Variants in HHAT observed in about 807,000 individuals in gnomAD.
HHAT encodes the protein protein-cysteine N-palmitoyltransferase HHAT.
HHAT carries 47 observed loss-of-function variants against 70.8 expected under a neutral mutation model. That is an observed-to-expected ratio of 0.66 (90% CI 0.53 to 0.85). The LOEUF is 0.85. Ranked by LOEUF, HHAT falls within the 40% of genes least tolerant of loss-of-function variation. The pLI, the probability that HHAT is intolerant of heterozygous loss-of-function variation, is 0.00. For synonymous variants in HHAT, 228 were observed against 247.6 expected (o/e 0.92, Z 0.74); for missense variants, 609 against 604.8 (o/e 1.01, Z -0.07).
intron 3 of HHAT, chr1:210,374,017 T>C (rs533103851): frequency 6.6e-6 from 1 of 152,232 alleles, no homozygotes; most frequent in African/African-American, 2.4e-5. Flanking sequence ...TTCAGACCTT[T>C]GACATGGAAA....
At chr1:210,482,969 G>T (rs1467904695) in intron 8 of HHAT, among the ~76,000 whole-genome samples, 1 of 152,148 alleles carries the variant, frequency 6.6e-6, no homozygotes, top group African/African-American at 2.4e-5. Context: ...CAAAGCCAGA[G>T]ATTATTTTCC....
intron 11 of HHAT, among the ~76,000 whole-genome samples, chr1:210,629,531 T>C (rs1670455683): frequency 2.0e-5 from 3 of 152,362 alleles, no homozygotes; most frequent in African/African-American, 7.2e-5. Flanking sequence ...ACAAACTTGT[T>C]GGCTTAAAAC....
chr1:210,528,584 A>T (rs1182178916), intron 9 of HHAT, among the ~76,000 whole-genome samples: 1 of 152,240 alleles, frequency 6.6e-6, no homozygotes, highest in African/African-American at 2.4e-5. Flanking sequence ...TAATTAACAT[A>T]TTGAAGGGAG....
chr1:210,473,494 G>A (rs1436877823), intron 8 of HHAT, among the ~76,000 whole-genome samples: 1 of 152,082 alleles, frequency 6.6e-6, no homozygotes, highest in Non-Finnish European at 1.5e-5. Flanking sequence ...GAGGGGGACG[G>A]GATGGGGAGA....
intron 7 of HHAT, among the ~76,000 whole-genome samples, chr1:210,423,569 A>G (rs2092968270): frequency 6.6e-6 from 1 of 152,006 alleles, no homozygotes. Flanking sequence ...GATATATCCC[A>G]TTTGTTTATT....
At chr1:210,659,060 T>C (rs889713967) in intron 11 of HHAT, among the ~76,000 whole-genome samples, 2 of 138,618 alleles carry the variant, frequency 1.4e-5, no homozygotes, top group African/African-American at 2.5e-5. Flanking sequence ...ATTCAAAAGC[T>C]AGCAGAAGGC....
chr1:210,469,063 T>C (rs1016708090), intron 8 of HHAT, among the ~76,000 whole-genome samples: 10 of 152,084 alleles, frequency 6.6e-5, no homozygotes, highest in Admixed American at 5.2e-4. Context: ...TTAGTACTTT[T>C]TCTTTGCTTG....
chr1:210,526,227 G>A (rs1253472495), intron 9 of HHAT, among the ~76,000 whole-genome samples: 1 of 152,142 alleles, frequency 6.6e-6, no homozygotes, highest in Non-Finnish European at 1.5e-5. Context: ...GGCAGACATG[G>A]TTGAGTCCCC....
chr1:210,529,244 G>T (rs1053447596), intron 9 of HHAT, among the ~76,000 whole-genome samples: 1 of 151,502 alleles, frequency 6.6e-6, no homozygotes, highest in Admixed American at 6.6e-5. Context: ...GGTAGAGGTT[G>T]CAGTGAGCAG....
At chr1:210,461,966 T>A (rs2093987972) in intron 7 of HHAT, among the ~76,000 whole-genome samples, 1 of 152,202 alleles carries the variant, frequency 6.6e-6, no homozygotes, top group Non-Finnish European at 1.5e-5. Flanking sequence ...CAGTAGAGTT[T>A]ATTAATCGTC....
intron 8 of HHAT, among the ~76,000 whole-genome samples, chr1:210,483,063 G>C (rs1040745625): frequency 6.6e-6 from 1 of 152,092 alleles, no homozygotes; most frequent in Non-Finnish European, 1.5e-5. Flanking sequence ...TATCCACACT[G>C]TCTGACATGA....
chr1:210,425,567 C>T (rs1391172915), intron 7 of HHAT, among the ~76,000 whole-genome samples: 1 of 151,986 alleles, frequency 6.6e-6, no homozygotes, highest in African/African-American at 2.4e-5. Flanking sequence ...TGTGGCTAGC[C>T]GGTTACCCAG....
intron 2 of HHAT, 50 bp downstream of exon 2, chr1:210,349,116 C>CA (rs759221152): frequency 2.2e-5 from 34 of 1,573,752 alleles, no homozygotes; most frequent in Non-Finnish European, 2.5e-5. Flanking sequence ...AAACTCCTGT[C>CA]AAAAAAAGGA....
intron 7 of HHAT, among the ~76,000 whole-genome samples, chr1:210,445,041 T>A (rs2093607054): frequency 1.3e-5 from 2 of 152,146 alleles, no homozygotes; most frequent in South Asian, 4.1e-4. Context: ...GGTTTCACCA[T>A]GTTGGTCAGG....
At chr1:210,525,720 T>TG (rs1424428177) in intron 9 of HHAT, among the ~76,000 whole-genome samples, 9 of 152,212 alleles carry the variant, frequency 5.9e-5, no homozygotes, top group Non-Finnish European at 1.2e-4. Context: ...TCAATACAGA[T>TG]GTTCCTGTGA....
At chr1:210,373,804 A>G (rs1171665305) in intron 3 of HHAT, among the ~76,000 whole-genome samples, 4 of 152,202 alleles carry the variant, frequency 2.6e-5, no homozygotes, top group Non-Finnish European at 4.4e-5. Context: ...TGTTATCTAG[A>G]GAAGGATGGA....
intron 8 of HHAT, among the ~76,000 whole-genome samples, chr1:210,509,653 T>C (rs2094921043): frequency 1.3e-5 from 2 of 152,108 alleles, no homozygotes; most frequent in Admixed American, 6.5e-5. Flanking sequence ...CTAAGCACTG[T>C]GTGTGTGTGT....
intron 9 of HHAT, among the ~76,000 whole-genome samples, chr1:210,578,230 T>G (rs1438902724): frequency 6.6e-6 from 1 of 152,178 alleles, no homozygotes; most frequent in East Asian, 1.9e-4. Flanking sequence ...TCAAGATATA[T>G]GTGAAAAGAT....
At chr1:210,655,865 G>T (rs950439460) in intron 11 of HHAT, among the ~76,000 whole-genome samples, 6 of 152,102 alleles carry the variant, frequency 3.9e-5, no homozygotes, top group South Asian at 4.2e-4. Context: ...CTGACTTTCT[G>T]GGGGGAGGTA....
Sources: gnomAD v4.1 joint callset for allele counts (sites outside exome capture counted in the v4.1 genomes callset) on GRCh38, gnomAD v4.1.1 for gene constraint, MANE v1.5 for transcripts, NCBI Gene and HGNC (gene_info 2026-07-23, HGNC 2026-07-21) for gene names.